Variants in RAPGEF4 observed in about 807,000 individuals in gnomAD.
RAPGEF4 encodes Rap guanine nucleotide exchange factor 4, also known as RAP guanine-nucleotide-exchange factor (GEF) 4.
A neutral mutation model predicts 147.9 loss-of-function variants in RAPGEF4; 66 were observed. The observed-to-expected ratio is 0.45, with a 90% CI of 0.37 to 0.55. The LOEUF is 0.55. Ranked by LOEUF, RAPGEF4 falls within the 20% of genes least tolerant of loss-of-function variation. RAPGEF4 has a pLI of 0.00. For synonymous variants in RAPGEF4, 419 were observed against 442.7 expected (o/e 0.95, Z 0.67); for missense variants, 1,071 against 1,257.3 (o/e 0.85, Z 2.24).
chr2:172,890,186 A>G (rs2676520), intron 4 of RAPGEF4, among the ~76,000 whole-genome samples: 115,062 of 152,126 alleles, frequency 0.76, 43,947 homozygotes, highest in East Asian at 0.87. Context: ...ATTTTGTCTG[A>G]GGAAGACTGA....
chr2:172,797,930 T>A (rs1478158738), intron 3 of RAPGEF4, among the ~76,000 whole-genome samples: 1 of 152,104 alleles, frequency 6.6e-6, no homozygotes, highest in African/African-American at 2.4e-5. Flanking sequence ...TAGGGTGAAA[T>A]GTGAGTGAAG....
At chr2:173,011,170 G>GCGCGCGCACACACACACA (rs564434178) in intron 17 of RAPGEF4, among the ~76,000 whole-genome samples, 10 of 133,566 alleles carry the variant, frequency 7.5e-5, no homozygotes, top group African/African-American at 2.9e-4. Context: ...GCGCGCGCGC[G>GCGCGCGCACACACACACA]CACACACACA....
Position 173,030,266 on chromosome 2 carries a change from C to G in RAPGEF4, c.2649+12C>G, listed in dbSNP as rs1196276300. On this transcript the variant is annotated intron_variant, in intron 26 of 30. Coordinates refer to ENST00000397081, the MANE Select transcript of RAPGEF4 (RefSeq NM_007023.4). ...CACTAACGTGGGAGGTAAGCTTCAG[C>G]TAGGATCCAGCTGTGACTTTTGCCT... 6.3e-7 allele frequency: 1 copy of G among 1,596,060 alleles called. No homozygotes were observed. Among genetic ancestry groups the G allele is most frequent in the Non-Finnish European group, 8.6e-7 (1 of 1,163,686 alleles).
intron 1 of RAPGEF4, among the ~76,000 whole-genome samples, chr2:172,777,623 T>G (rs952173722): frequency 1.3e-5 from 2 of 152,106 alleles, no homozygotes; most frequent in Non-Finnish European, 2.9e-5. Context: ...ATGAACAACT[T>G]TCCCTCTGAC....
intron 4 of RAPGEF4, among the ~76,000 whole-genome samples, chr2:172,851,767 AG>A (rs1329649702): frequency 1.3e-5 from 2 of 152,142 alleles, no homozygotes; most frequent in African/African-American, 2.4e-5. Context: ...GACACAAAGA[AG>A]GGAACAATAG....
At chr2:172,980,411 A>G (rs769941911) in intron 10 of RAPGEF4, among the ~76,000 whole-genome samples, 6 of 152,184 alleles carry the variant, frequency 3.9e-5, no homozygotes, top group Non-Finnish European at 8.8e-5. Context: ...GGTTTTTCCC[A>G]GGGAGAGAAG....
Position 172,805,769 on chromosome 2 carries a change from T to C in RAPGEF4, c.297+8156T>C, listed in dbSNP as rs536913548. Among the ~76,000 whole-genome samples, 97 of 152,334 alleles carry C rather than the reference T, an allele frequency of 6.4e-4. No individual in the cohort carries two copies. The Middle Eastern group carries it at 0.01, about 16-fold the overall frequency. ...ACATCCACCTCCAGATCCCCACTGC[T>C]GTACTTGTCTGCACAAGATCCTCTC... On this transcript the variant is annotated intron_variant, in intron 3 of 30. Transcript: ENST00000397081.
At chr2:172,842,240 T>C (rs764618599) in intron 4 of RAPGEF4, among the ~76,000 whole-genome samples, 13 of 152,190 alleles carry the variant, frequency 8.5e-5, no homozygotes, top group Non-Finnish European at 1.6e-4. Flanking sequence ...TATTCAAGCT[T>C]CAAGCTAGAA....
At position 172,884,577 on chromosome 2, in the gene RAPGEF4, C is replaced by T. The variant is rs556973352; in HGVS notation, c.445-33225C>T. On this transcript the variant is annotated intron_variant, in intron 4 of 30. Coordinates refer to ENST00000397081, the MANE Select transcript of RAPGEF4 (RefSeq NM_007023.4). ...TTGCCTCATATGTGGGAATTCTGTGCTTGTATTAATGCCACACCTGTTCCA... is the reference window on the plus strand; with the variant it reads ...TTGCCTCATATGTGGGAATTCTGTGTTTGTATTAATGCCACACCTGTTCCA... Among the ~76,000 whole-genome samples, 183 of 152,326 alleles carry T rather than the reference C, an allele frequency of 1.2e-3. 3 individuals carry two copies. The highest frequency in any genetic ancestry group is 3.7e-3 in the South Asian group (18 of 4,826).
intron 4 of RAPGEF4, among the ~76,000 whole-genome samples, chr2:172,821,307 G>A (rs752185531): frequency 9.9e-5 from 15 of 152,148 alleles, no homozygotes; most frequent in Non-Finnish European, 2.1e-4. Context: ...CCCCTTGCCT[G>A]CCTGATAATG....
chr2:172,817,957 G>A (rs1222256476), intron 4 of RAPGEF4, among the ~76,000 whole-genome samples: 2 of 142,562 alleles, frequency 1.4e-5, no homozygotes, highest in African/African-American at 5.2e-5. Context: ...TATATTATAT[G>A]AATTATATAT....
intron 29 of RAPGEF4, among the ~76,000 whole-genome samples, chr2:173,038,093 C>T (rs1404826054): frequency 6.6e-6 from 1 of 152,184 alleles, no homozygotes; most frequent in Non-Finnish European, 1.5e-5. Flanking sequence ...ACACACTCCT[C>T]AAAGACTCTT....
At chr2:172,988,584 G>A (rs1193428718) in intron 13 of RAPGEF4, 109 bp from the exon 14 acceptor site, 10 of 1,301,512 alleles carry the variant, frequency 7.7e-6, no homozygotes, top group Non-Finnish European at 9.6e-6. Context: ...GCTAGGTACA[G>A]CCCATTTATC....
intron 4 of RAPGEF4, among the ~76,000 whole-genome samples, chr2:172,862,791 G>GTGAAA (rs1397272120): frequency 6.6e-6 from 1 of 152,306 alleles, no homozygotes; most frequent in Non-Finnish European, 1.5e-5. Context: ...TTCCTCCTTT[G>GTGAAA]TGAAATGAAG....
At chr2:173,000,766 T>C (rs1437799796) in intron 16 of RAPGEF4, among the ~76,000 whole-genome samples, 1 of 143,004 alleles carries the variant, frequency 7.0e-6, no homozygotes, top group African/African-American at 2.6e-5. Flanking sequence ...TTTTTTTTTT[T>C]GCTGCTTCTT....
chr2:172,897,150 CT>C (rs1286051331), intron 4 of RAPGEF4, among the ~76,000 whole-genome samples: 1 of 152,122 alleles, frequency 6.6e-6, no homozygotes, highest in Non-Finnish European at 1.5e-5. Flanking sequence ...AGTGTTTTCT[CT>C]TTTTTTAACA....
At chr2:172,745,894 G>A (rs1694724301) in intron 1 of RAPGEF4, among the ~76,000 whole-genome samples, 2 of 152,274 alleles carry the variant, frequency 1.3e-5, no homozygotes, top group Admixed American at 6.5e-5. Context: ...AGTTTCACAG[G>A]CTCTTTAAAT....
rs961509979 is a variant in RAPGEF4 at position 173,042,572 on chromosome 2, G to A, written c.2853+5880G>A. ...CAGGTGGCAGAGGTTGCAGTGAGCC[G>A]AGATCGTGCCACTGCACTCCAACCT... On this transcript the variant is annotated intron_variant, in intron 29 of 30. Transcript: ENST00000397081. The surrounding 1 kb of genome is among the most constrained non-coding windows in gnomAD (Gnocchi z 4.2). Among the ~76,000 whole-genome samples, 1 of 151,852 alleles carries A rather than the reference G, an allele frequency of 6.6e-6. No individual in the cohort carries two copies.
intron 15 of RAPGEF4, among the ~76,000 whole-genome samples, chr2:172,991,951 TACA>T (rs1206245499): frequency 6.6e-6 from 1 of 152,224 alleles, no homozygotes; most frequent in Non-Finnish European, 1.5e-5. Context: ...CTTATCATAT[TACA>T]ACACCTTTTA....
Sources: gnomAD v4.1 joint callset for allele counts (sites outside exome capture counted in the v4.1 genomes callset) on GRCh38, gnomAD v4.1.1 for gene constraint, Gnocchi (gnomAD v3.1) non-coding constraint, MANE v1.5 for transcripts, NCBI Gene and HGNC (gene_info 2026-07-23, HGNC 2026-07-21) for gene names.